Variants in KCNIP4 observed in about 807,000 individuals in gnomAD.
KCNIP4 encodes the protein Kv channel-interacting protein 4.
KCNIP4 carries 12 observed loss-of-function variants against 34.0 expected under a neutral mutation model. The ratio of observed to expected loss-of-function variants is 0.35; its 90% confidence interval spans 0.23 to 0.57. The LOEUF (loss-of-function observed/expected upper bound fraction) is 0.57, where lower values mean the gene tolerates loss of function less well. Ranked by LOEUF, KCNIP4 falls within the 20% of genes least tolerant of loss-of-function variation. The pLI is 0.83. For synonymous variants in KCNIP4, 124 were observed against 102.2 expected, an observed-to-expected ratio of 1.21 and a Z score of -1.29; for missense variants, 238 against 311.7, an observed-to-expected ratio of 0.76 and a Z score of 1.78.
At chr4:21,839,321 G>C (rs1400179714) in intron 1 of KCNIP4, among the ~76,000 whole-genome samples, 2 of 152,136 alleles carry the variant, frequency 1.3e-5, no homozygotes, top group Admixed American at 6.6e-5. Context: ...AGGTTCATGT[G>C]ATGCAAACAT....
chr4:21,608,927 C>T (rs1304240641), intron 1 of KCNIP4: 1 of 152,170 alleles, frequency 6.6e-6, no homozygotes, highest in Non-Finnish European at 1.5e-5. Flanking sequence ...ACAAGTCACC[C>T]GGAGCACACA....
chr4:21,338,751 C>A (rs933202353), intron 1 of KCNIP4, among the ~76,000 whole-genome samples: 15 of 151,812 alleles, frequency 9.9e-5, no homozygotes, highest in African/African-American at 3.6e-4. Flanking sequence ...TATATTCCTC[C>A]AAGCACACGT....
rs1326737886 is a variant in KCNIP4, at chr4:20,780,540, C to A, written c.289-21650G>T. 2.0e-5 allele frequency among the ~76,000 whole-genome samples: 3 copies of A among 152,140 alleles called. No individual in the cohort carries two copies. In the East Asian group the frequency reaches 5.8e-4, roughly 29 times the overall value. On this transcript the variant is annotated intron_variant, in intron 3 of 8. Coordinates refer to ENST00000382152, the MANE Select transcript of KCNIP4 (RefSeq NM_025221.6). ...TTCTCTGTGACTCAGCTCTGTTAGA[C>A]AATTTTCTTACTTCAGGAACTGCCA...
At chr4:21,665,316 C>T (rs1748763788) in intron 1 of KCNIP4, among the ~76,000 whole-genome samples, 1 of 152,066 alleles carries the variant, frequency 6.6e-6, no homozygotes, top group Non-Finnish European at 1.5e-5. Flanking sequence ...CTTTCTTTCT[C>T]TTTAACATTT....
At chr4:20,914,751 C>A (rs975996525) in intron 1 of KCNIP4, among the ~76,000 whole-genome samples, 10 of 152,182 alleles carry the variant, frequency 6.6e-5, no homozygotes, top group African/African-American at 2.4e-4. Flanking sequence ...GTAATGATAT[C>A]TTTGGCCAAA....
rs185399491 is a variant in KCNIP4 at position 20,780,587 on chromosome 4, T to C, written c.289-21697A>G. Reference sequence around the variant, plus strand: ...GCCAATACCCCATTTAACATGATGCTGGTGAGGCTTTTAATCCCATTTCCA... The same window carrying C: ...GCCAATACCCCATTTAACATGATGCCGGTGAGGCTTTTAATCCCATTTCCA... On this transcript the variant is annotated intron_variant, in intron 3 of 8. Transcript: ENST00000382152. 2.0e-5 allele frequency among the ~76,000 whole-genome samples: 3 copies of C among 152,322 alleles called. No individual in the cohort carries two copies. The East Asian group carries it at 5.8e-4, about 29-fold the overall frequency.
At chr4:20,805,186 CTTTTTTTTTTTTT>C (rs10552321) in intron 3 of KCNIP4, among the ~76,000 whole-genome samples, 107 of 92,122 alleles carry the variant, frequency 1.2e-3, no homozygotes, top group African/African-American at 4.6e-3. Context: ...TAGATGCTTC[CTTTTTTTTTTTTT>C]TTTTTTTTTT....
intron 3 of KCNIP4, among the ~76,000 whole-genome samples, chr4:20,769,266 A>G (rs939432214): frequency 1.3e-5 from 2 of 152,148 alleles, no homozygotes; most frequent in Non-Finnish European, 2.9e-5. Flanking sequence ...AATTGTACTT[A>G]TTTTTACTAT....
At chr4:21,798,883 A>G (rs1157256058) in intron 1 of KCNIP4, among the ~76,000 whole-genome samples, 1 of 152,154 alleles carries the variant, frequency 6.6e-6, no homozygotes, top group East Asian at 1.9e-4. Context: ...TATTTGGCTT[A>G]TATATTTGGT....
intron 1 of KCNIP4, among the ~76,000 whole-genome samples, chr4:21,779,745 G>A (rs1560708780): frequency 6.6e-6 from 1 of 151,906 alleles, no homozygotes; most frequent in Non-Finnish European, 1.5e-5. Context: ...CCTACTACAC[G>A]TTAAAAAGTT....
intron 1 of KCNIP4, among the ~76,000 whole-genome samples, chr4:21,756,116 T>A (rs1298739495): frequency 6.6e-6 from 1 of 152,216 alleles, no homozygotes; most frequent in Non-Finnish European, 1.5e-5. Flanking sequence ...AAAACATGGA[T>A]TTTTATTTCT....
At chr4:21,259,613 A>G (rs557251060) in intron 1 of KCNIP4, among the ~76,000 whole-genome samples, 41 of 152,304 alleles carry the variant, frequency 2.7e-4, no homozygotes, top group Non-Finnish European at 5.1e-4. Flanking sequence ...CTTCTATTGC[A>G]TAGCAGGCCT....
At chr4:21,637,880 CA>C (rs1291675142) in intron 1 of KCNIP4, among the ~76,000 whole-genome samples, 1 of 151,622 alleles carries the variant, frequency 6.6e-6, no homozygotes, top group East Asian at 1.9e-4. Context: ...AACGGCAGTT[CA>C]AACTGAGAGT....
At chr4:21,343,070 G>A (rs1045211531) in intron 1 of KCNIP4, among the ~76,000 whole-genome samples, 2 of 151,962 alleles carry the variant, frequency 1.3e-5, no homozygotes, top group African/African-American at 2.4e-5. Flanking sequence ...AGCAACATAA[G>A]AATAGAGAAA....
chr4:21,725,324 G>A (rs527607084), intron 1 of KCNIP4, among the ~76,000 whole-genome samples: 1 of 152,282 alleles, frequency 6.6e-6, no homozygotes, highest in South Asian at 2.1e-4. Context: ...TGGAGCTGGT[G>A]TGTTAGAGTC....
At chr4:20,790,251 T>C (rs1466121499) in intron 3 of KCNIP4, among the ~76,000 whole-genome samples, 1 of 152,136 alleles carries the variant, frequency 6.6e-6, no homozygotes, top group Admixed American at 6.6e-5. Flanking sequence ...AATGGTATCC[T>C]TGCACTTACC....
chr4:21,383,322 T>C (rs1364262018), intron 1 of KCNIP4, among the ~76,000 whole-genome samples: 1 of 146,720 alleles, frequency 6.8e-6, no homozygotes, highest in Non-Finnish European at 1.5e-5. Flanking sequence ...TTTTTTTTTT[T>C]CTAACAGTTT....
intron 1 of KCNIP4, among the ~76,000 whole-genome samples, chr4:21,762,031 A>T (rs970768658): frequency 2.6e-5 from 4 of 152,154 alleles, no homozygotes; most frequent in African/African-American, 9.7e-5. Context: ...CCCCAATATG[A>T]CTAGTGGAAA....
chr4:21,068,578 G>A (rs1180847328), intron 1 of KCNIP4, among the ~76,000 whole-genome samples: 1 of 152,116 alleles, frequency 6.6e-6, no homozygotes. Context: ...TTGTCTTTGT[G>A]TGGAATACTT....
Sources: gnomAD v4.1 joint callset for allele counts (sites outside exome capture counted in the v4.1 genomes callset) on GRCh38, gnomAD v4.1.1 for gene constraint, MANE v1.5 for transcripts, NCBI Gene and HGNC (gene_info 2026-07-23, HGNC 2026-07-21) for gene names.